RANBP17: variants seen among roughly 807,000 people sequenced by gnomAD.
RANBP17 encodes ran-binding protein 17.
Under a neutral mutation model 141.2 loss-of-function variants are expected in RANBP17, and 158 were observed. The ratio of observed to expected loss-of-function variants is 1.12; its 90% CI spans 0.98 to 1.28. The LOEUF (loss-of-function observed/expected upper bound fraction) is 1.28. RANBP17 is among the 50% of genes most tolerant of loss of function. RANBP17 has a pLI of 0.00. For missense variants in RANBP17, 1,438 were observed against 1,290.7 expected (o/e 1.11, Z -1.75); for synonymous variants, 430 against 450.0 (o/e 0.96, Z 0.56).
chr5:171,003,286 T>C (rs568262964), intron 14 of RANBP17, among the ~76,000 whole-genome samples: 1 of 152,270 alleles, frequency 6.6e-6, no homozygotes, highest in Admixed American at 6.5e-5. Flanking sequence ...TACAGCTGTC[T>C]TCAAGGAACA....
chr5:171,068,349 T>C (rs376099482), intron 14 of RANBP17, among the ~76,000 whole-genome samples: 2 of 152,200 alleles, frequency 1.3e-5, no homozygotes, highest in Non-Finnish European at 1.5e-5. Flanking sequence ...TTTCTTTAGC[T>C]CTTTGAACAT....
chr5:171,147,381 G>GTGTGTGT (rs1554105338), intron 14 of RANBP17, among the ~76,000 whole-genome samples: 1 of 130,964 alleles, frequency 7.6e-6, no homozygotes, highest in African/African-American at 2.8e-5. Flanking sequence ...GTGTGTGTGT[G>GTGTGTGT]GTTGTTTGTT....
chr5:171,064,243 C>T lies in RANBP17; in HGVS notation c.1710+95866C>T, dbSNP rs138811906. ...CTCAGATGGAAATGCAGAAATCACC[C>T]GTCTTCTGCGTCACTCACGCTGGGA... is the stretch of plus-strand genomic sequence containing the variant. On this transcript the variant is annotated intron_variant, in intron 14 of 27. Coordinates refer to ENST00000523189, the MANE Select transcript of RANBP17 (RefSeq NM_022897.5). 5.4e-3 allele frequency among the ~76,000 whole-genome samples: 823 copies of T among 152,326 alleles called. 12 individuals carry two copies. The highest frequency in any genetic ancestry group is 0.019 in the African/African-American group (793 of 41,576).
intron 14 of RANBP17, among the ~76,000 whole-genome samples, chr5:171,071,927 C>G (rs1784658113): frequency 6.6e-6 from 1 of 152,002 alleles, no homozygotes; most frequent in African/African-American, 2.4e-5. Flanking sequence ...AAGAAAGGCA[C>G]TGTTAACAAG....
At chr5:171,073,477 C>G (rs1319574725) in intron 14 of RANBP17, among the ~76,000 whole-genome samples, 1 of 152,100 alleles carries the variant, frequency 6.6e-6, no homozygotes, top group Non-Finnish European at 1.5e-5. Context: ...AAGTTTCTCT[C>G]TGTCAGAGTA....
At chr5:171,222,037 C>A (rs999054076) in intron 22 of RANBP17, among the ~76,000 whole-genome samples, 197 bp downstream of exon 22, 2 of 152,166 alleles carry the variant, frequency 1.3e-5, no homozygotes, top group African/African-American at 4.8e-5. Flanking sequence ...CTAAATCATG[C>A]CTGACCAACT....
chr5:170,959,230 CCT>C (rs1001979318), intron 13 of RANBP17, among the ~76,000 whole-genome samples: 2 of 152,138 alleles, frequency 1.3e-5, no homozygotes, highest in African/African-American at 2.4e-5. Context: ...TCAGAGTTTT[CCT>C]CTCTCTCCCA....
At chr5:171,081,531 T>C (rs1051037805) in intron 14 of RANBP17, among the ~76,000 whole-genome samples, 1 of 152,304 alleles carries the variant, frequency 6.6e-6, no homozygotes, top group African/African-American at 2.4e-5. Context: ...CTTTACAAAA[T>C]AGTTAACTTT....
At chr5:170,873,715 A>G (rs1303744208) in intron 1 of RANBP17, among the ~76,000 whole-genome samples, 1 of 152,110 alleles carries the variant, frequency 6.6e-6, no homozygotes, top group Non-Finnish European at 1.5e-5. Flanking sequence ...TATTGTGTCT[A>G]TTTGATTCTT....
chr5:170,964,753 T>C (rs1265354209), intron 13 of RANBP17, among the ~76,000 whole-genome samples: 2 of 152,252 alleles, frequency 1.3e-5, no homozygotes, highest in Non-Finnish European at 2.9e-5. Flanking sequence ...CTGCCTAGTA[T>C]ACCATGGTGT....
chr5:171,243,768 A>G (rs1765032305), intron 24 of RANBP17, among the ~76,000 whole-genome samples: 1 of 152,112 alleles, frequency 6.6e-6, no homozygotes, highest in African/African-American at 2.4e-5. Flanking sequence ...TGTGATACCT[A>G]ATATTCTATT....
chr5:170,985,874 G>T (rs1778108745), intron 14 of RANBP17, among the ~76,000 whole-genome samples: 1 of 152,050 alleles, frequency 6.6e-6, no homozygotes, highest in African/African-American at 2.4e-5. Flanking sequence ...CATCTTGTCT[G>T]GGAGTGTATA....
chr5:170,866,280 A>C (rs180919487), intron 1 of RANBP17, among the ~76,000 whole-genome samples: 27 of 152,034 alleles, frequency 1.8e-4, no homozygotes, highest in East Asian at 5.8e-4. Flanking sequence ...ATCTGTTACT[A>C]TACAGGAGGT....
rs143524793 is a variant in RANBP17, at chr5:170,975,870, A to G, written c.1710+7493A>G. 1.2e-3 allele frequency among the ~76,000 whole-genome samples: 182 copies of G among 152,214 alleles called. 1 individual carries two copies. The highest frequency in any genetic ancestry group is 4.2e-3 in the African/African-American group (174 of 41,552). ...AAAAAACAAACAAACAGAAACACCA[A>G]AATGGATTCCAGCATCTTATAAGTG... On this transcript the variant is annotated intron_variant, in intron 14 of 27. Transcript: ENST00000523189.
chr5:171,240,854 T>C (rs1764831644), intron 22 of RANBP17, 74 bp from the exon 23 acceptor site: 1 of 918,184 alleles, frequency 1.1e-6, no homozygotes, highest in Non-Finnish European at 1.7e-6. Context: ...AAAGTAAAAA[T>C]GTTAAATAGT....
chr5:171,172,660 A>G (rs1458048510), intron 16 of RANBP17, among the ~76,000 whole-genome samples: 1 of 151,902 alleles, frequency 6.6e-6, no homozygotes, highest in Non-Finnish European at 1.5e-5. Context: ...AAAGCATATT[A>G]TCTGCAAAGA....
intron 14 of RANBP17, among the ~76,000 whole-genome samples, chr5:171,006,264 A>G (rs2127583598): frequency 6.6e-6 from 1 of 152,370 alleles, no homozygotes; most frequent in East Asian, 1.9e-4. Context: ...CCAAAGAATT[A>G]TAAAACATGC....
At chr5:170,955,648 G>GTATATA (rs1159344330) in intron 13 of RANBP17, among the ~76,000 whole-genome samples, 540 of 21,452 alleles carry the variant, frequency 0.025, 41 homozygotes, top group Non-Finnish European at 0.029. Flanking sequence ...TATGCTCAGT[G>GTATATA]TATATATATA....
rs370679582 is a variant in RANBP17 at position 170,913,918 on chromosome 5, A to T, written c.761-249A>T. Reference sequence around the variant, plus strand: ...TTGAATACAAATGAAAATAGTAAGAAGATTCTCCCAGTTCAAACTGTAGTG... The same window carrying T: ...TTGAATACAAATGAAAATAGTAAGATGATTCTCCCAGTTCAAACTGTAGTG... On this transcript the variant is annotated intron_variant, in intron 7 of 27. Transcript: ENST00000523189. Among the ~76,000 whole-genome samples, 63 of 152,236 alleles carry T rather than the reference A, an allele frequency of 4.1e-4. 1 individual carries two copies. In the South Asian group the frequency reaches 0.013, roughly 31 times the overall value.
Sources: allele counts gnomAD v4.1 joint callset (sites outside exome capture counted in the v4.1 genomes callset), GRCh38; gene constraint gnomAD v4.1.1; transcripts MANE v1.5; gene names NCBI Gene and HGNC (gene_info 2026-07-23, HGNC 2026-07-21).